The following ACSM2A variants were observed in gnomAD, a reference collection of about 807,000 sequenced individuals.
The protein encoded by ACSM2A is acyl-coenzyme A synthetase ACSM2A, mitochondrial.
In ACSM2A, 72 loss-of-function variants were observed where a neutral mutation model predicts 76.6. That is an observed-to-expected ratio of 0.94 (90% confidence interval 0.78 to 1.14). ACSM2A has a LOEUF of 1.14. Ranked by LOEUF, ACSM2A falls within the 50% of genes most tolerant of loss-of-function variation. The pLI, the probability that ACSM2A is intolerant of heterozygous loss-of-function variation, is 0.00. For missense variants in ACSM2A, 684 were observed against 708.5 expected, an observed-to-expected ratio of 0.97 and a Z score of 0.39; for synonymous variants, 249 against 255.9, an observed-to-expected ratio of 0.97 and a Z score of 0.26.
At chr16:20,476,728 T>C in intron 8 of ACSM2A, 1 of 1,016,604 alleles carries the variant, frequency 9.8e-7, no homozygotes, top group South Asian at 4.2e-5. Context: ...GTGATATCTT[T>C]TGTCCAGGCT....
chr16:20,471,587 T>G lies in ACSM2A; in HGVS notation c.792T>G (p.Gly264=), dbSNP rs1223078061. ...TAATGTGGACCATATCAGACACAGG[T>G]TGGATACTGAACATCTTGTGCTCAC... ...SDIMWTISDT[G]WILNILCSLM... The change falls in exon 6 of 14, where the codon GGT becomes GGG. Residue 264 remains glycine, a synonymous_variant. Transcript: ENST00000573854. 6.2e-7 allele frequency: 1 copy of G among 1,614,004 alleles called. No homozygotes were observed. Among genetic ancestry groups the G allele is most frequent in the Non-Finnish European group, 8.5e-7 (1 of 1,179,924 alleles).
Position 20,483,077 on chromosome 16 carries a change from T to C in ACSM2A, c.1529T>C (p.Val510Ala), listed in dbSNP as rs760771677. The change falls in exon 13 of 14, where the codon GTC becomes GCC. Residue 510 changes from valine (V) to alanine (A), a missense_variant. Around this residue, in one of 3 missense-constraint regions of ACSM2A, gnomAD observed 159 missense variants for 132.5 expected, o/e 1.20. Transcript: ENST00000573854. Reference protein sequence around the residue: ...VRGEVVKAFVVLASQFLSHDP... With the variant: ...VRGEVVKAFVALASQFLSHDP... ...TTGCAGGTGGTGAAGGCATTTGTGG[T>C]CCTGGCCTCGCAGTTCCTGTCCCAT... 4.3e-5 allele frequency: 70 copies of C among 1,613,888 alleles called. No homozygotes were observed. Among genetic ancestry groups the C allele is most frequent in the Admixed American group, 3.3e-4 (20 of 59,998 alleles).
In ACSM2A at chr16:20,487,268, T is replaced by A. The variant is rs1476882069; in HGVS notation, c.*590T>A. The A allele has an allele frequency of 6.6e-6, 1 of 152,126 alleles. No homozygotes were observed. Among genetic ancestry groups the A allele is most frequent in the Non-Finnish European group, 1.5e-5 (1 of 68,104 alleles). The allele number at this position is 152,126 out of a possible 1,614,324, so 9.4% of individuals were successfully genotyped here. ...AAGAGAAGGAAGTAAAGAGGAAAAC[T>A]TATAAATATTCCCACAGATAGACAA... On this transcript the variant is annotated 3_prime_UTR_variant, in exon 14 of 14. Coordinates refer to ENST00000573854, the MANE Select transcript of ACSM2A (RefSeq NM_001308172.2).
In ACSM2A at chr16:20,486,828, C is replaced by T; in HGVS notation, c.*150C>T. ...CCTTGGTTATTAGCACAAAACTTTA[C>T]CATGTTAGATGTTGAAAGAAGAAAG... On this transcript the variant is annotated 3_prime_UTR_variant, in exon 14 of 14. Transcript: ENST00000573854. 1 of 923,916 alleles carries T rather than the reference C, an allele frequency of 1.1e-6. No individual in the cohort carries two copies. The highest frequency in any genetic ancestry group is 1.7e-6 in the Non-Finnish European group (1 of 604,110). The allele number at this position is 923,916 out of a possible 1,614,324, so 57.2% of individuals were successfully genotyped here.
At chr16:20,456,660 G>C (rs1337512054) in intron 1 of ACSM2A, among the ~76,000 whole-genome samples, 1 of 147,776 alleles carries the variant, frequency 6.8e-6, no homozygotes, top group Non-Finnish European at 1.5e-5. Context: ...ATGGTACTAA[G>C]AGGTAAGTTC....
rs1255085418 is a variant in ACSM2A, at chr16:20,479,547, G to A, written c.1281+870G>A. 5.3e-5 allele frequency among the ~76,000 whole-genome samples: 8 copies of A among 152,214 alleles called. No individual in the cohort carries two copies. In the East Asian group the frequency reaches 1.2e-3, roughly 22 times the overall value. On this transcript the variant is annotated intron_variant, in intron 10 of 13. Transcript: ENST00000573854. ...TTTCCTCATCTGTAAGTTGTGTGTC[G>A]TGAGTGTGTTAAATAAAAGAATTGT...
At chr16:20,462,602 T>G (rs1157563537) in intron 2 of ACSM2A, among the ~76,000 whole-genome samples, 1 of 152,194 alleles carries the variant, frequency 6.6e-6, no homozygotes, top group East Asian at 1.9e-4. Context: ...TTTTTGATTT[T>G]GCATCATTAC....
At chr16:20,477,934 G>A (rs2013846397) in intron 9 of ACSM2A, among the ~76,000 whole-genome samples, 1 of 152,134 alleles carries the variant, frequency 6.6e-6, no homozygotes, top group Admixed American at 6.5e-5. Flanking sequence ...TATAATGAAT[G>A]TGTAGTAGCT....
chr16:20,468,190 A>T lies in ACSM2A; in HGVS notation c.389-1322A>T, dbSNP rs566409197. ...AGATGTGTCTATTGTTCTGTGTCTG[A>T]CTCAATTGGCCACCATGGTAGAGAA... On this transcript the variant is annotated intron_variant, in intron 3 of 13. Transcript: ENST00000573854. Among the ~76,000 whole-genome samples the T allele has an allele frequency of 7.9e-5, 12 of 152,238 alleles. No individual in the cohort carries two copies. The East Asian group carries it at 2.3e-3, about 30-fold the overall frequency.
chr16:20,483,872 T>C (rs1392904994), intron 13 of ACSM2A, among the ~76,000 whole-genome samples: 1 of 152,120 alleles, frequency 6.6e-6, no homozygotes, highest in Non-Finnish European at 1.5e-5. Context: ...GCTTTCATTA[T>C]GGCTAGTCCC....
At position 20,458,892 on chromosome 16, in the gene ACSM2A, TTATATATATATGCATATATATA is replaced by T. The variant is rs1410106681; in HGVS notation, c.-8-1203_-8-1182del. Among the ~76,000 whole-genome samples, 6 of 111,178 alleles carry T rather than the reference TTATATATATATGCATATATATA, an allele frequency of 5.4e-5. 1 individual carries two copies. Among genetic ancestry groups the T allele is most frequent in the Admixed American group, 5.4e-4 (5 of 9,282 alleles). The allele number at this position is 111,178 out of a possible 152,430, so 72.9% of individuals were successfully genotyped here. A position where few individuals can be genotyped will look rare whatever the true frequency, so the allele number is the denominator to read the frequency against. On this transcript the variant is annotated intron_variant, in intron 1 of 13. Transcript: ENST00000573854. ...CTATATAATACATACATAGTATATA[TTATATATATATGCATATATATA>T]TATATATATATATATATACATATAT...
rs367635976 is a variant in ACSM2A at position 20,453,992 on chromosome 16, C to T, written c.-9+2311C>T. The stretch of plus-strand genomic sequence containing the variant: ...GTGTGCACAGCAGGACATAGACCCT[C>T]ATCAGTAATTCTAATTTTGCCTTTG... On this transcript the variant is annotated intron_variant, in intron 1 of 13. Transcript: ENST00000573854. 215 of 116,844 alleles carry T rather than the reference C, an allele frequency of 1.8e-3. 1 individual carries two copies. Among genetic ancestry groups the T allele is most frequent in the South Asian group, 9.1e-3 (28 of 3,084 alleles). 7.2% of individuals were successfully genotyped at this position (116,844 alleles called of 1,614,324 possible).
rs141181164 is a variant in ACSM2A at position 20,456,461 on chromosome 16, C to T, written c.-8-3646C>T. 1.6e-3 allele frequency among the ~76,000 whole-genome samples: 233 copies of T among 149,622 alleles called. 2 individuals are homozygous for T. Among genetic ancestry groups the T allele is most frequent in the African/African-American group, 5.5e-3 (222 of 40,256 alleles). The stretch of plus-strand genomic sequence containing the variant: ...AATTATATCAAGTACTCTCTCAGAC[C>T]GCCTTGGAATAAAATTGGAAATCAA... On this transcript the variant is annotated intron_variant, in intron 1 of 13. Transcript: ENST00000573854.
intron 2 of ACSM2A, among the ~76,000 whole-genome samples, chr16:20,465,113 G>T (rs570121156): frequency 6.6e-6 from 1 of 152,048 alleles, no homozygotes; most frequent in Non-Finnish European, 1.5e-5. Flanking sequence ...CAGATGAGAG[G>T]ATCCAATGTT....
chr16:20,471,099 T>A lies in ACSM2A; in HGVS notation c.623T>A (p.Val208Glu), dbSNP rs1403711621. The change falls in exon 5 of 14, where the codon GTG (valine) becomes GAG (glutamate). Residue 208 changes from valine (V) to glutamate (E), a missense_variant. By Grantham distance (121) the Val-to-Glu change is moderately radical (BLOSUM62 -2). Around this residue, in one of 3 missense-constraint regions of ACSM2A, gnomAD observed 519 missense variants for 549.5 expected, o/e 0.94. Coordinates refer to ENST00000573854, the MANE Select transcript of ACSM2A (RefSeq NM_001308172.2). ...LNEASTTHHC[V>E]ETGSQEASAI... ...GAGGCATCCACCACTCATCACTGTG[T>A]GGAGACTGGAAGCCAGGAAGCATCT... is the stretch of plus-strand genomic sequence containing the variant. 9 of 1,613,500 alleles carry A rather than the reference T, an allele frequency of 5.6e-6. No homozygotes were observed. The highest frequency in any genetic ancestry group is 1.3e-5 in the African/African-American group (1 of 74,894).
chr16:20,463,556 G>A (rs1261043620), intron 2 of ACSM2A, among the ~76,000 whole-genome samples: 3 of 151,942 alleles, frequency 2.0e-5, no homozygotes, highest in East Asian at 3.9e-4. Flanking sequence ...TTTGCCATGT[G>A]ATGCACCTGC....
intron 1 of ACSM2A, among the ~76,000 whole-genome samples, chr16:20,455,149 G>A (rs1424903723): frequency 6.6e-6 from 1 of 151,092 alleles, no homozygotes; most frequent in South Asian, 2.1e-4. Context: ...TTGGGATTGT[G>A]TTAAATGATC....
At chr16:20,476,044 C>T (rs563682940) in intron 8 of ACSM2A, 1,411 of 1,040,222 alleles carry the variant, frequency 1.4e-3, no homozygotes, top group Non-Finnish European at 1.6e-3. Flanking sequence ...GTGAGAAATG[C>T]GATGGAAAAA....
chr16:20,479,499 G>C (rs1274917295), intron 10 of ACSM2A, among the ~76,000 whole-genome samples: 1 of 152,194 alleles, frequency 6.6e-6, no homozygotes, highest in Non-Finnish European at 1.5e-5. Flanking sequence ...TCTTAGGGAA[G>C]TTACCTATCT....
Sources: gnomAD v4.1 joint callset for allele counts (sites outside exome capture counted in the v4.1 genomes callset) on GRCh38, gnomAD v4.1.1 for gene constraint, gnomAD v4.1.1 regional missense constraint, MANE v1.5 for transcripts, NCBI Gene and HGNC (gene_info 2026-07-23, HGNC 2026-07-21) for gene names.